Variants in ACSM3 observed in about 807,000 individuals in gnomAD.
The protein encoded by ACSM3 is acyl-CoA synthetase medium chain family member 3, also known as acyl-coenzyme A synthetase ACSM3, mitochondrial.
Under a neutral mutation model 74.1 loss-of-function variants are expected in ACSM3, and 61 were observed. The observed-to-expected ratio is 0.82, with a 90% confidence interval of 0.67 to 1.02. ACSM3 has a LOEUF of 1.02. ACSM3 is among the 50% of genes least tolerant of loss of function. ACSM3 has a pLI of 0.00. For missense variants in ACSM3, 660 were observed against 697.0 expected, an observed-to-expected ratio of 0.95 and a Z score of 0.60; for synonymous variants, 213 against 241.5, an observed-to-expected ratio of 0.88 and a Z score of 1.09.
chr16:20,737,761 T>C, intron 1 of ACSM3: 2 of 1,613,922 alleles, frequency 1.2e-6, no homozygotes, highest in Non-Finnish European at 1.7e-6. Context: ...ATTTCGAGAT[T>C]TGTACACAAT....
chr16:20,763,823 T>A (rs1014477439), upstream of ACSM3: 20 of 152,280 alleles, frequency 1.3e-4, no homozygotes, highest in African/African-American at 4.8e-4. Flanking sequence ...ACTTTCCTTC[T>A]TGTTAATAAT....
chr16:20,690,972 A>G (rs751848176), intron 1 of ACSM3: 3 of 1,596,066 alleles, frequency 1.9e-6, no homozygotes, highest in Admixed American at 1.8e-5. Context: ...TTGTTCTTAT[A>G]TCGCCATCAC....
In ACSM3 at chr16:20,781,054, T is replaced by C; in HGVS notation, c.863T>C (p.Val288Ala). ...TGGGCAAAGTCTGCATGGAGTAGTG[T>C]TTTTTCTCCGTGGATCCAGGGAGCA... ...TGWAKSAWSS[V>A]FSPWIQGACV... Residue 288 changes from valine to alanine, a missense_variant, in exon 6 of 14, where the codon GTT (valine) becomes GCT (alanine). Coordinates refer to ENST00000289416, the MANE Select transcript of ACSM3 (RefSeq NM_005622.4). The C allele has an allele frequency of 1.9e-6, 3 of 1,614,160 alleles. No individual in the cohort carries two copies. Among genetic ancestry groups the C allele is most frequent in the Middle Eastern group, 1.7e-4 (1 of 6,060 alleles).
chr16:20,713,449 T>C (rs769306955), intron 1 of ACSM3, among the ~76,000 whole-genome samples: 22 of 152,150 alleles, frequency 1.4e-4, no homozygotes, highest in Non-Finnish European at 3.1e-4. Flanking sequence ...TGTACTTTTG[T>C]GCATTATACG....
At chr16:20,682,397 G>A in intron 1 of ACSM3, 1 of 1,614,040 alleles carries the variant, frequency 6.2e-7, no homozygotes. Flanking sequence ...CTTGGCTTTA[G>A]ACAACTGTAG....
intron 3 of ACSM3, among the ~76,000 whole-genome samples, chr16:20,758,336 T>C (rs2080048222): frequency 6.6e-6 from 1 of 152,256 alleles, no homozygotes; most frequent in African/African-American, 2.4e-5. Flanking sequence ...TATTCAGAGA[T>C]TCAACTTCTT....
intron 1 of ACSM3, among the ~76,000 whole-genome samples, chr16:20,715,345 T>C (rs9926147): frequency 0.62 from 94,048 of 152,090 alleles, 30,230 homozygotes; most frequent in Non-Finnish European, 0.72. Context: ...GGCTCACATC[T>C]GTAATCCCAG....
chr16:20,712,925 A>AG, intron 1 of ACSM3, among the ~76,000 whole-genome samples: 1 of 151,834 alleles, frequency 6.6e-6, no homozygotes, highest in Non-Finnish European at 1.5e-5. Flanking sequence ...AAAAAAAAAA[A>AG]CAAAAACCAG....
chr16:20,767,986 T>C (rs531467495), intron 1 of ACSM3, among the ~76,000 whole-genome samples: 2 of 152,236 alleles, frequency 1.3e-5, no homozygotes, highest in Admixed American at 1.3e-4. Context: ...TATTTATGTA[T>C]TGTCAATGGC....
rs1255920531 is a variant in ACSM3, at chr16:20,776,123, C to T, written c.430+74C>T. ...AGATTTTCCAGAACACCTAAGTAAT[C>T]ATGATACATTTATTTTGTTGTGGGC... On this transcript the variant is annotated intron_variant, in intron 3 of 13. Coordinates refer to ENST00000289416, the MANE Select transcript of ACSM3 (RefSeq NM_005622.4). 2.0e-6 allele frequency: 3 copies of T among 1,464,794 alleles called. No homozygotes were observed. The African/African-American group carries it at 4.2e-5, about 20-fold the overall frequency. The allele number at this position is 1,464,794 out of a possible 1,614,324, so 90.7% of individuals were successfully genotyped here.
rs1203320886 is a variant in ACSM3 at position 20,785,018 on chromosome 16, G to T, written c.1054G>T (p.Ala352Ser). The change falls in exon 8 of 14, where the codon GCT becomes TCT. Residue 352 changes from alanine to serine, a missense_variant. Transcript: ENST00000289416. ...KFKSLKHCVS[A>S]GEPITPDVTE... is the part of the protein sequence containing the mutation. ...TAAAAGCTTAAAGCACTGTGTGAGT[G>T]CTGGGGAACCAATTACCCCTGACGT... 6.2e-7 allele frequency: 1 copy of T among 1,613,668 alleles called. No individual in the cohort carries two copies. Among genetic ancestry groups the T allele is most frequent in the Non-Finnish European group, 8.5e-7 (1 of 1,179,726 alleles).
chr16:20,760,592 C>A (rs1438072898), upstream of ACSM3, among the ~76,000 whole-genome samples: 1 of 152,062 alleles, frequency 6.6e-6, no homozygotes, highest in African/African-American at 2.4e-5. Context: ...GGGAGGTAAG[C>A]AGGAACTCAC....
chr16:20,678,510 G>A (rs1057250895), intron 1 of ACSM3, among the ~76,000 whole-genome samples: 1 of 152,152 alleles, frequency 6.6e-6, no homozygotes, highest in Admixed American at 6.6e-5. Context: ...CCCTGTGATG[G>A]GGGCTATCAG....
At chr16:20,713,886 T>C (rs1437906356) in intron 1 of ACSM3, among the ~76,000 whole-genome samples, 1 of 152,200 alleles carries the variant, frequency 6.6e-6, no homozygotes, top group Non-Finnish European at 1.5e-5. Flanking sequence ...AGCTGTCTCA[T>C]TGCCAACAGT....
intron 1 of ACSM3, among the ~76,000 whole-genome samples, chr16:20,677,540 C>G (rs79542528): frequency 1.1e-3 from 174 of 152,314 alleles, no homozygotes; most frequent in Non-Finnish European, 2.1e-3. Flanking sequence ...TACCAGGAGA[C>G]CCCCTTCATT....
intron 1 of ACSM3, among the ~76,000 whole-genome samples, chr16:20,746,166 G>T (rs922475455): frequency 5.3e-5 from 8 of 151,004 alleles, no homozygotes; most frequent in African/African-American, 1.9e-4. Flanking sequence ...CACATCATGG[G>T]TTATTAGGAA....
chr16:20,754,600 T>C (rs939906350), intron 2 of ACSM3, among the ~76,000 whole-genome samples: 1 of 152,182 alleles, frequency 6.6e-6, no homozygotes, highest in Non-Finnish European at 1.5e-5. Context: ...TGCCCTGCAA[T>C]AGAGCCCTGA....
intron 7 of ACSM3, among the ~76,000 whole-genome samples, chr16:20,784,009 T>C (rs2080413072): frequency 6.6e-6 from 1 of 152,190 alleles, no homozygotes; most frequent in South Asian, 2.1e-4. Flanking sequence ...TTCTGCCACG[T>C]TGGCCAGGCA....
chr16:20,743,363 A>G (rs2079944506), intron 1 of ACSM3, among the ~76,000 whole-genome samples: 1 of 152,078 alleles, frequency 6.6e-6, no homozygotes, highest in African/African-American at 2.4e-5. Flanking sequence ...AAAACCAAGG[A>G]TGTTGGCTGG....
Sources: allele counts gnomAD v4.1 joint callset (sites outside exome capture counted in the v4.1 genomes callset), GRCh38; gene constraint gnomAD v4.1.1; transcripts MANE v1.5; gene names NCBI Gene and HGNC (gene_info 2026-07-23, HGNC 2026-07-21).